Variants in ASAP2 observed in about 807,000 individuals in gnomAD.
The protein encoded by ASAP2 is arf-GAP with SH3 domain, ANK repeat and PH domain-containing protein 2.
Under a neutral mutation model 131.4 loss-of-function variants are expected in ASAP2, and 45 were observed. The ratio of observed to expected loss-of-function variants is 0.34; its 90% CI spans 0.27 to 0.44. The LOEUF is 0.44. Among genes scored for constraint, ASAP2 ranks in the 20% least tolerant of loss-of-function variants. ASAP2 has a pLI of 1.00. For synonymous variants in ASAP2, 510 were observed against 503.0 expected, an observed-to-expected ratio of 1.01 and a Z score of -0.19; for missense variants, 1,011 against 1,297.0, an observed-to-expected ratio of 0.78 and a Z score of 3.39.
intron 7 of ASAP2, among the ~76,000 whole-genome samples, chr2:9,330,264 C>G (rs1670745723): frequency 6.6e-6 from 1 of 152,124 alleles, no homozygotes; most frequent in African/African-American, 2.4e-5. Flanking sequence ...ATGTCTTTTG[C>G]AGCAATAGGG....
chr2:9,231,072 G>C (rs1224043388), intron 1 of ASAP2, among the ~76,000 whole-genome samples: 1 of 152,192 alleles, frequency 6.6e-6, no homozygotes, highest in East Asian at 1.9e-4. Flanking sequence ...ACTTTCCCCA[G>C]GCCACTTCCT....
rs752318330 is a variant in ASAP2 at position 9,281,275 on chromosome 2, T to G, written c.199+1886T>G. Among the ~76,000 whole-genome samples, 40 of 152,252 alleles carry G rather than the reference T, an allele frequency of 2.6e-4. No homozygotes were observed. The highest frequency in any genetic ancestry group is 6.2e-4 in the South Asian group (3 of 4,824). ...GCTCTTATCAGAAATAAAAATGAAA[T>G]AATCTGTGTCTTATGCAAACACTGG... On this transcript the variant is annotated intron_variant, in intron 2 of 27. Transcript: ENST00000281419. The surrounding 1 kb of genome is among the most constrained non-coding windows in gnomAD (Gnocchi z 4.0).
At chr2:9,248,043 G>A (rs1664453501) in intron 1 of ASAP2, among the ~76,000 whole-genome samples, 1 of 152,218 alleles carries the variant, frequency 6.6e-6, no homozygotes, top group East Asian at 1.9e-4. Context: ...AGGCCTTGGA[G>A]CTCAGCTGTC....
chr2:9,270,734 C>A (rs1007036375), intron 1 of ASAP2, among the ~76,000 whole-genome samples: 1 of 151,410 alleles, frequency 6.6e-6, no homozygotes, highest in Non-Finnish European at 1.5e-5. Flanking sequence ...CCCTTCCCAG[C>A]CTCTGGTAAC....
At chr2:9,367,208 A>G (rs1341387566) in intron 15 of ASAP2, among the ~76,000 whole-genome samples, 1 of 150,982 alleles carries the variant, frequency 6.6e-6, no homozygotes, top group East Asian at 2.0e-4. Context: ...TTTCTTTTGT[A>G]TTTTAGTAGA....
chr2:9,219,917 G>T (rs931751130), intron 1 of ASAP2, among the ~76,000 whole-genome samples: 4 of 152,104 alleles, frequency 2.6e-5, no homozygotes, highest in Non-Finnish European at 2.9e-5. Context: ...TGTCTCTATG[G>T]ATTTGCCTAT....
chr2:9,315,150 A>G (rs75321072), intron 3 of ASAP2, among the ~76,000 whole-genome samples: 1,807 of 152,296 alleles, frequency 0.012, 123 homozygotes, highest in Admixed American at 0.11. Flanking sequence ...AGAAATATGA[A>G]GATGAAACAT....
chr2:9,292,448 T>C (rs747844423), intron 2 of ASAP2, among the ~76,000 whole-genome samples: 2 of 151,880 alleles, frequency 1.3e-5, no homozygotes, highest in East Asian at 1.9e-4. Context: ...AACCCAGGAG[T>C]TGGAGGTTGC....
At chr2:9,269,572 C>G (rs191852029) in intron 1 of ASAP2, among the ~76,000 whole-genome samples, 2 of 152,110 alleles carry the variant, frequency 1.3e-5, no homozygotes, top group Non-Finnish European at 2.9e-5. Flanking sequence ...GCTGAGCCCA[C>G]GGGGGAACCA....
At position 9,284,592 on chromosome 2, in the gene ASAP2, G is replaced by A. The variant is rs191789470; in HGVS notation, c.199+5203G>A. Among the ~76,000 whole-genome samples the A allele has an allele frequency of 3.3e-5, 5 of 152,318 alleles. No homozygotes were observed. The East Asian group carries it at 9.6e-4, about 29-fold the overall frequency. ...TGGGAATTTAATAGGTCATAGGATT[G>A]CTAGTGAAGATTAAGTGAGATAACA... On this transcript the variant is annotated intron_variant, in intron 2 of 27. Coordinates refer to ENST00000281419, the MANE Select transcript of ASAP2 (RefSeq NM_003887.3).
chr2:9,345,830 C>G (rs1454480456), intron 11 of ASAP2, among the ~76,000 whole-genome samples: 1 of 152,048 alleles, frequency 6.6e-6, no homozygotes, highest in Non-Finnish European at 1.5e-5. Context: ...GAGAAACGGC[C>G]CTGAGGTTCA....
At chr2:9,219,030 C>T (rs1432196656) in intron 1 of ASAP2, among the ~76,000 whole-genome samples, 2 of 152,164 alleles carry the variant, frequency 1.3e-5, no homozygotes, top group Non-Finnish European at 2.9e-5. Flanking sequence ...TGTCTTGCCT[C>T]AGAGCAGTAT....
chr2:9,331,667 C>G (rs1307172701), intron 7 of ASAP2, among the ~76,000 whole-genome samples: 1 of 152,148 alleles, frequency 6.6e-6, no homozygotes, highest in East Asian at 1.9e-4. Flanking sequence ...ACTCGGGAGA[C>G]TGAGGCTGGA....
intron 17 of ASAP2, among the ~76,000 whole-genome samples, chr2:9,375,662 C>T (rs1220336468): frequency 1.3e-5 from 2 of 152,164 alleles, no homozygotes; most frequent in Admixed American, 6.6e-5. Flanking sequence ...AAACTTTGTA[C>T]CCACCTAGTG....
rs1677099644 is a variant in ASAP2 at position 9,405,077 on chromosome 2, T to TA, written c.*1753dup. 1 of 152,498 alleles carries TA rather than the reference T, an allele frequency of 6.6e-6. No homozygotes were observed. The highest frequency in any genetic ancestry group is 2.4e-5 in the African/African-American group (1 of 41,436). 9.4% of individuals were successfully genotyped at this position (152,498 alleles called of 1,614,324 possible). On this transcript the variant is annotated 3_prime_UTR_variant, in exon 28 of 28. Transcript: ENST00000281419. ...CACCTGGTGCCAGCTATATAAGGAATAAAGTTGATTCATATCAACATTAGA... is the reference window on the plus strand; with the variant it reads ...CACCTGGTGCCAGCTATATAAGGAATAAAAGTTGATTCATATCAACATTAGA...
At chr2:9,282,677 A>G (rs1667203105) in intron 2 of ASAP2, among the ~76,000 whole-genome samples, 1 of 152,242 alleles carries the variant, frequency 6.6e-6, no homozygotes, top group Admixed American at 6.5e-5. Context: ...CAATTCCTGT[A>G]TAGGAAGAGC....
In ASAP2 at chr2:9,317,734, T is replaced by A. The variant is rs566565338; in HGVS notation, c.346-790T>A. Among the ~76,000 whole-genome samples the A allele has an allele frequency of 4.0e-5, 6 of 148,806 alleles. No individual in the cohort carries two copies. The South Asian group carries it at 1.3e-3, about 32-fold the overall frequency. On this transcript the variant is annotated intron_variant, in intron 3 of 27. Coordinates refer to ENST00000281419, the MANE Select transcript of ASAP2 (RefSeq NM_003887.3). ...CACCCATACACAATCACATTCACACTCACATCCACACTCACACTCACATCC... is the reference window on the plus strand; with the variant it reads ...CACCCATACACAATCACATTCACACACACATCCACACTCACACTCACATCC...
At chr2:9,319,058 G>T (rs1178810350) in intron 4 of ASAP2, among the ~76,000 whole-genome samples, 1 of 152,182 alleles carries the variant, frequency 6.6e-6, no homozygotes, top group African/African-American at 2.4e-5. Context: ...TGGCTGTTTA[G>T]GACATGCCTA....
At chr2:9,226,663 ACTT>A (rs1024852576) in intron 1 of ASAP2, among the ~76,000 whole-genome samples, 1 of 152,144 alleles carries the variant, frequency 6.6e-6, no homozygotes, top group Non-Finnish European at 1.5e-5. Context: ...GTCCTATGTC[ACTT>A]CTTCTTCCCT....
Sources: allele counts gnomAD v4.1 joint callset (sites outside exome capture counted in the v4.1 genomes callset), GRCh38; gene constraint gnomAD v4.1.1; non-coding constraint Gnocchi (gnomAD v3.1); transcripts MANE v1.5; gene names NCBI Gene and HGNC (gene_info 2026-07-23, HGNC 2026-07-21).